APAF1: variants seen among roughly 807,000 people sequenced by gnomAD.
APAF1 encodes apoptotic protease-activating factor 1.
Under a neutral mutation model 152.4 loss-of-function variants are expected in APAF1, and 91 were observed. The ratio of observed to expected loss-of-function variants is 0.60; its 90% CI spans 0.50 to 0.71. The LOEUF is 0.71. Ranked by LOEUF, APAF1 falls within the 30% of genes least tolerant of loss-of-function variation. The pLI, the probability that APAF1 is intolerant of heterozygous loss-of-function variation, is 0.00. For synonymous variants in APAF1, 484 were observed against 494.1 expected (o/e 0.98, Z 0.27); for missense variants, 1,283 against 1,472.0 (o/e 0.87, Z 2.10).
At position 98,648,670 on chromosome 12, in the gene APAF1, T is replaced by TA; in HGVS notation, c.189dup (p.Asp64ArgfsTer2). On this transcript the variant is annotated frameshift_variant, in exon 3 of 27. Transcript: ENST00000551964. LOFTEE classifies it high-confidence loss of function. ...CAGCTATGCTGATTAAAATGATACT[T>TA]AAAAAAGATAATGATTCCTACGTAT... The TA allele has an allele frequency of 6.2e-7, 1 of 1,613,868 alleles. No individual in the cohort carries two copies.
intron 4 of APAF1, among the ~76,000 whole-genome samples, chr12:98,654,745 TG>T (rs1361324509): frequency 3.9e-5 from 6 of 151,988 alleles, no homozygotes; most frequent in Admixed American, 2.0e-4. Flanking sequence ...TTTAAAAAAA[TG>T]GAAACTTAAG....
chr12:98,719,685 G>C (rs2097739758), intron 22 of APAF1, among the ~76,000 whole-genome samples: 1 of 151,906 alleles, frequency 6.6e-6, no homozygotes, highest in Non-Finnish European at 1.5e-5. Flanking sequence ...TTAGGATTCT[G>C]TTTTCTTGAC....
rs548212272 is a variant in APAF1, at chr12:98,706,364, G to A, written c.2596-121G>A. The A allele has an allele frequency of 9.4e-6, 9 of 959,546 alleles. No individual in the cohort carries two copies. The East Asian group carries it at 1.9e-4, about 21-fold the overall frequency. The allele number at this position is 959,546 out of a possible 1,614,324, so 59.4% of individuals were successfully genotyped here. A position where few individuals can be genotyped will look rare whatever the true frequency, so the allele number is the denominator to read the frequency against. On this transcript the variant is annotated intron_variant, in intron 18 of 26. Transcript: ENST00000551964. ...TAAGACATTTTGTAGTTTTGATAGT[G>A]TGTTTCTGAGCAATATTCATTGAAG...
intron 5 of APAF1, among the ~76,000 whole-genome samples, chr12:98,662,060 C>G (rs1056316930): frequency 1.5e-4 from 23 of 151,210 alleles, no homozygotes; most frequent in African/African-American, 5.6e-4. Context: ...ATGATTCATT[C>G]TAATGCTAAC....
chr12:98,680,760 A>T (rs761233274), intron 14 of APAF1, among the ~76,000 whole-genome samples: 2 of 152,226 alleles, frequency 1.3e-5, no homozygotes, highest in African/African-American at 4.8e-5. Context: ...GCCTAGGTTG[A>T]TCACCTCAGG....
At chr12:98,682,771 T>C (rs1175130242) in intron 14 of APAF1, among the ~76,000 whole-genome samples, 3 of 152,188 alleles carry the variant, frequency 2.0e-5, no homozygotes, top group Admixed American at 6.5e-5. Flanking sequence ...TCATAAGTGG[T>C]AGAGCCAGCT....
chr12:98,649,563 A>C lies in APAF1; in HGVS notation c.405A>C (p.Ala135=), dbSNP rs1342805805. 6.2e-7 allele frequency: 1 copy of C among 1,614,160 alleles called. No individual in the cohort carries two copies. The highest frequency in any genetic ancestry group is 8.5e-7 in the Non-Finnish European group (1 of 1,179,996). ...TCACAAGGAAGAAGCTGGTGAATGC[A>C]ATTCAGCAGAAGCTCTCCAAATTGA... ...VFVTRKKLVN[A]IQQKLSKLKG... is the part of the protein sequence containing the mutation. The change falls in exon 4 of 27, where the codon GCA becomes GCC. Residue 135 remains alanine, a synonymous_variant. Coordinates refer to ENST00000551964, the MANE Select transcript of APAF1 (RefSeq NM_181861.2).
intron 14 of APAF1, among the ~76,000 whole-genome samples, chr12:98,681,578 G>C (rs1027858644): frequency 3.3e-5 from 5 of 152,096 alleles, no homozygotes; most frequent in African/African-American, 1.2e-4. Context: ...TTTGCCTTGG[G>C]TGTTTTCCTG....
rs377650542 is a variant in APAF1, at chr12:98,683,284, G to A, written c.2178+10G>A. ...TGACTGCTTCCTCAAAGTAAGTGTG[G>A]ATATTGAGAATTAGGTAGATAAATT... On this transcript the variant is annotated intron_variant, in intron 15 of 26. Transcript: ENST00000551964. 2 of 1,613,218 alleles carry A rather than the reference G, an allele frequency of 1.2e-6. No homozygotes were observed. The highest frequency in any genetic ancestry group is 1.7e-6 in the Non-Finnish European group (2 of 1,179,712).
intron 7 of APAF1, among the ~76,000 whole-genome samples, chr12:98,664,791 T>C (rs1397224134): frequency 6.6e-6 from 1 of 152,150 alleles, no homozygotes; most frequent in Non-Finnish European, 1.5e-5. Context: ...CACCTCAGCC[T>C]CCTGAAGTGC....
chr12:98,680,541 A>G (rs2097691176), intron 14 of APAF1, 139 bp downstream of exon 14: 1 of 898,648 alleles, frequency 1.1e-6, no homozygotes, highest in Non-Finnish European at 1.7e-6. Flanking sequence ...AATTAACACT[A>G]TCTGAAAATT....
Position 98,665,821 on chromosome 12 carries a change from G to C in APAF1, c.1194+30G>C, listed in dbSNP as rs200279687. 4.4e-5 allele frequency: 65 copies of C among 1,493,768 alleles called. No homozygotes were observed. In the African/African-American group the frequency reaches 7.2e-4, roughly 16 times the overall value. The allele number at this position is 1,493,768 out of a possible 1,614,324, so 92.5% of individuals were successfully genotyped here. A position where few individuals can be genotyped will look rare whatever the true frequency, so the allele number is the denominator to read the frequency against. On this transcript the variant is annotated intron_variant, in intron 8 of 26. Transcript: ENST00000551964. ...TGGGATCAATGATCCTCATCATTGG[G>C]TATTTATTGCATGTAAGCTTTGATA... is the stretch of plus-strand genomic sequence containing the variant.
At chr12:98,664,470 T>G (rs1031575245) in intron 7 of APAF1, among the ~76,000 whole-genome samples, 2 of 151,938 alleles carry the variant, frequency 1.3e-5, no homozygotes, top group South Asian at 4.1e-4. Context: ...ATCATGAGAG[T>G]ATTGCCTCCA....
In APAF1 at chr12:98,682,829, A is replaced by G. The variant is rs111880910; in HGVS notation, c.2047-314A>G. Among the ~76,000 whole-genome samples, 108 of 152,330 alleles carry G rather than the reference A, an allele frequency of 7.1e-4. 1 individual carries two copies. Among genetic ancestry groups the G allele is most frequent in the African/African-American group, 2.4e-3 (101 of 41,562 alleles). ...AGAAATCTATTATGCTAACCTCTTT[A>G]AAGCACTTCTCTGCCTGCTTTCATT... On this transcript the variant is annotated intron_variant, in intron 14 of 26. Coordinates refer to ENST00000551964, the MANE Select transcript of APAF1 (RefSeq NM_181861.2).
intron 7 of APAF1, among the ~76,000 whole-genome samples, chr12:98,665,272 ATATATAT>A (rs1214731008): frequency 5.0e-4 from 52 of 103,036 alleles, no homozygotes; most frequent in African/African-American, 1.8e-3. Context: ...ATATATATAT[ATATATAT>A]TTTTTTTTTT....
chr12:98,707,275 T>C (rs1479203260), intron 19 of APAF1, among the ~76,000 whole-genome samples: 2 of 152,194 alleles, frequency 1.3e-5, no homozygotes, highest in Admixed American at 6.5e-5. Context: ...ACTGGACTGC[T>C]CACATTTTCC....
At chr12:98,727,889 C>G (rs546575677) in intron 26 of APAF1, among the ~76,000 whole-genome samples, 3 of 150,016 alleles carry the variant, frequency 2.0e-5, no homozygotes, top group Non-Finnish European at 3.0e-5. Flanking sequence ...TGCAGTGAGC[C>G]GAGATCACAC....
intron 12 of APAF1, among the ~76,000 whole-genome samples, chr12:98,673,941 A>T (rs534655470): frequency 2.4e-3 from 358 of 152,332 alleles, no homozygotes; most frequent in African/African-American, 7.9e-3. Flanking sequence ...AGAGAATGGT[A>T]TCTGAGAGAA....
chr12:98,651,606 G>A (rs1005567895), intron 4 of APAF1, among the ~76,000 whole-genome samples: 27 of 152,264 alleles, frequency 1.8e-4, no homozygotes, highest in African/African-American at 5.8e-4. Flanking sequence ...TTCTATGTGA[G>A]TAAGAATTTC....
Sources: allele counts gnomAD v4.1 joint callset (sites outside exome capture counted in the v4.1 genomes callset), GRCh38; gene constraint gnomAD v4.1.1; transcripts MANE v1.5; gene names NCBI Gene and HGNC (gene_info 2026-07-23, HGNC 2026-07-21).